The following GPHN variants were observed in gnomAD, a reference collection of about 807,000 sequenced individuals.
GPHN encodes the protein gephyrin.
GPHN carries 17 observed loss-of-function variants against 95.5 expected under a neutral mutation model. The ratio of observed to expected loss-of-function variants is 0.18; its 90% confidence interval spans 0.12 to 0.27. GPHN has a LOEUF of 0.27. Ranked by LOEUF, GPHN falls within the 10% of genes least tolerant of loss-of-function variation. The pLI is 1.00. For missense variants in GPHN, 660 were observed against 978.1 expected (o/e 0.67, Z 4.34); for synonymous variants, 320 against 322.5 (o/e 0.99, Z 0.08).
At chr14:67,206,098 T>A in the GPHN span, among the ~76,000 whole-genome samples, 1 of 152,082 alleles carries the variant, frequency 6.6e-6, no homozygotes, top group African/African-American at 2.4e-5. Flanking sequence ...GTGGGAGGAT[T>A]ACTTGACCCT....
intron 1 of GPHN, among the ~76,000 whole-genome samples, chr14:66,582,897 C>A (rs2061252901): frequency 6.6e-6 from 1 of 152,130 alleles, no homozygotes; most frequent in Non-Finnish European, 1.5e-5. Context: ...TGGGTATATA[C>A]CCAGTAACGG....
At chr14:66,573,765 CT>C (rs201677352) in intron 1 of GPHN, among the ~76,000 whole-genome samples, 30 of 149,290 alleles carry the variant, frequency 2.0e-4, no homozygotes, top group Non-Finnish European at 2.5e-4. Flanking sequence ...TATATAATGA[CT>C]TTTTTTTTTA....
intron 3 of GPHN, among the ~76,000 whole-genome samples, chr14:66,808,256 G>A (rs1429428164): frequency 6.6e-6 from 1 of 151,872 alleles, no homozygotes; most frequent in Non-Finnish European, 1.5e-5. Context: ...TTTATTGGTA[G>A]GTATTTCTTA....
intron 2 of GPHN, among the ~76,000 whole-genome samples, chr14:66,687,964 C>T (rs1223540027): frequency 6.6e-6 from 1 of 152,080 alleles, no homozygotes; most frequent in Non-Finnish European, 1.5e-5. Flanking sequence ...TGTATTGCTC[C>T]TGCATGCTGT....
chr14:66,696,973 T>C (rs1168582980), intron 2 of GPHN, among the ~76,000 whole-genome samples: 1 of 152,244 alleles, frequency 6.6e-6, no homozygotes, highest in African/African-American at 2.4e-5. Context: ...GAAGTTTATT[T>C]TTCACCAAGT....
At chr14:67,572,353 T>G in the GPHN span, 1 of 1,330,888 alleles carries the variant, frequency 7.5e-7, no homozygotes, top group Non-Finnish European at 1.0e-6. Context: ...GCACAAGACA[T>G]AGGCAGTAGC....
intron 8 of GPHN, among the ~76,000 whole-genome samples, chr14:66,957,187 CTTTTTTTTTTTTTTTTT>C (rs1157690518): frequency 2.4e-5 from 2 of 84,830 alleles, no homozygotes; most frequent in Non-Finnish European, 4.2e-5. Context: ...TTCTTTCTTT[CTTTTTTTTTTTTTTTTT>C]TTTTTTTTTG....
chr14:66,834,356 T>G (rs1267402422), intron 4 of GPHN, among the ~76,000 whole-genome samples: 1 of 152,186 alleles, frequency 6.6e-6, no homozygotes, highest in Non-Finnish European at 1.5e-5. Context: ...GGTACAAAAT[T>G]AGACCATTTA....
the GPHN span, among the ~76,000 whole-genome samples, chr14:67,606,268 T>C: frequency 6.6e-6 from 1 of 152,104 alleles, no homozygotes; most frequent in African/African-American, 2.4e-5. Flanking sequence ...TTTCATGGAG[T>C]CACTTCTCCA....
the GPHN span, among the ~76,000 whole-genome samples, chr14:67,640,060 T>C: frequency 1.3e-5 from 2 of 152,266 alleles, no homozygotes; most frequent in South Asian, 4.1e-4. Context: ...CTCTCCATAT[T>C]TTGAGATTTG....
chr14:67,563,130 T>C, the GPHN span, among the ~76,000 whole-genome samples: 2 of 152,244 alleles, frequency 1.3e-5, no homozygotes, highest in Non-Finnish European at 2.9e-5. Flanking sequence ...CCGTGCACCA[T>C]ACATTGAGCT....
chr14:67,031,654 A>G (rs2074203420), intron 10 of GPHN, among the ~76,000 whole-genome samples: 1 of 152,214 alleles, frequency 6.6e-6, no homozygotes. Context: ...TATGTTGCCC[A>G]GACTGGATTT....
intron 2 of GPHN, among the ~76,000 whole-genome samples, chr14:66,773,455 G>A (rs2059259246): frequency 6.7e-6 from 1 of 150,310 alleles, no homozygotes; most frequent in African/African-American, 2.5e-5. Flanking sequence ...CCGGGTTCAA[G>A]CTATTCTTCT....
intron 1 of GPHN, among the ~76,000 whole-genome samples, chr14:66,594,692 G>A (rs191931779): frequency 3.2e-4 from 48 of 152,266 alleles, no homozygotes; most frequent in Non-Finnish European, 5.4e-4. Flanking sequence ...ATGCTTAAAT[G>A]TAAGACCTAA....
the GPHN span, chr14:67,592,284 A>T: frequency 8.8e-5 from 36 of 411,098 alleles, 1 homozygote; most frequent in African/African-American, 3.4e-4. Context: ...AAAATAAAAA[A>T]AAAAAATTAG....
At chr14:67,563,002 A>C in the GPHN span, 1 of 1,164,328 alleles carries the variant, frequency 8.6e-7, no homozygotes, top group Non-Finnish European at 1.2e-6. Flanking sequence ...TGGCATCCTC[A>C]TGGTGGCCCT....
intron 9 of GPHN, among the ~76,000 whole-genome samples, chr14:67,019,398 T>C (rs1308475427): frequency 4.6e-5 from 7 of 152,170 alleles, no homozygotes; most frequent in African/African-American, 1.7e-4. Flanking sequence ...AGATGACTTA[T>C]TTTGTTCTTG....
intron 18 of GPHN, among the ~76,000 whole-genome samples, chr14:67,148,038 C>G (rs1344767057): frequency 2.6e-5 from 4 of 151,772 alleles, no homozygotes; most frequent in African/African-American, 9.7e-5. Flanking sequence ...AGGCAAAAAT[C>G]AAAAAAGTTA....
At chr14:67,330,307 T>C in the GPHN span, among the ~76,000 whole-genome samples, 2 of 151,892 alleles carry the variant, frequency 1.3e-5, no homozygotes, top group Non-Finnish European at 2.9e-5. Flanking sequence ...TTTCTCAAGA[T>C]GAATGCTTAA....
Sources: allele counts gnomAD v4.1 joint callset (sites outside exome capture counted in the v4.1 genomes callset), GRCh38; gene constraint gnomAD v4.1.1; transcripts MANE v1.5; gene names NCBI Gene and HGNC (gene_info 2026-07-23, HGNC 2026-07-21).